Variants in CHCHD3 observed in about 807,000 individuals in gnomAD.
The protein encoded by CHCHD3 is MICOS complex subunit MIC19.
In CHCHD3, 20 loss-of-function variants were observed where a neutral mutation model predicts 38.2. The observed-to-expected ratio is 0.52, with a 90% CI of 0.37 to 0.76. CHCHD3 has a LOEUF of 0.76. Among genes scored for constraint, CHCHD3 ranks in the 30% least tolerant of loss-of-function variants. The pLI, the probability that CHCHD3 is intolerant of heterozygous loss-of-function variation, is 0.00. For missense variants in CHCHD3, 245 were observed against 279.2 expected, an observed-to-expected ratio of 0.88 and a Z score of 0.87; for synonymous variants, 82 against 100.0, an observed-to-expected ratio of 0.82 and a Z score of 1.07.
chr7:132,948,389 A>C (rs957057665), intron 4 of CHCHD3, among the ~76,000 whole-genome samples: 1 of 152,126 alleles, frequency 6.6e-6, no homozygotes, highest in Non-Finnish European at 1.5e-5. Context: ...AAATGGTGGA[A>C]GAGTGAGGGA....
chr7:133,034,287 CAG>C (rs1400370535), intron 2 of CHCHD3, among the ~76,000 whole-genome samples: 1 of 152,080 alleles, frequency 6.6e-6, no homozygotes, highest in African/African-American at 2.4e-5. Flanking sequence ...TAATAATTCA[CAG>C]AGATTCCTTT....
At chr7:132,989,465 TA>T (rs1423300488) in intron 3 of CHCHD3, among the ~76,000 whole-genome samples, 1 of 151,994 alleles carries the variant, frequency 6.6e-6, no homozygotes, top group Non-Finnish European at 1.5e-5. Context: ...CCTACAGCCA[TA>T]ATCCTAACTA....
chr7:132,910,561 G>A (rs1809920695), intron 4 of CHCHD3, among the ~76,000 whole-genome samples: 1 of 152,008 alleles, frequency 6.6e-6, no homozygotes, highest in South Asian at 2.1e-4. Flanking sequence ...GTTTAATATT[G>A]AACACTTCTA....
chr7:132,838,487 T>C lies in CHCHD3; in HGVS notation c.454-18A>G, dbSNP rs574571315. On this transcript the variant is annotated intron_variant, in intron 5 of 7. Transcript: ENST00000262570. ...TCTGAGCTCTGTGGACAAAGATTGA[T>C]AGCAAAGGTTTCACTATCCAAGATG... 1.5e-5 allele frequency: 23 copies of C among 1,574,318 alleles called. 2 individuals are homozygous for C. In the South Asian group the frequency reaches 2.0e-4, roughly 14 times the overall value.
chr7:132,825,201 G>C (rs1171840157), intron 6 of CHCHD3, among the ~76,000 whole-genome samples: 2 of 152,168 alleles, frequency 1.3e-5, no homozygotes, highest in African/African-American at 4.8e-5. Flanking sequence ...TAATACTGAG[G>C]ATGGTAAGTT....
intron 2 of CHCHD3, among the ~76,000 whole-genome samples, chr7:133,054,074 G>A (rs770647841): frequency 9.2e-5 from 14 of 152,142 alleles, no homozygotes; most frequent in Non-Finnish European, 1.8e-4. Context: ...ACCTGTTAAT[G>A]AGAAGTACAA....
At chr7:132,903,624 C>T (rs1809723634) in intron 4 of CHCHD3, among the ~76,000 whole-genome samples, 1 of 152,144 alleles carries the variant, frequency 6.6e-6, no homozygotes, top group African/African-American at 2.4e-5. Context: ...TCATAATTCT[C>T]GTTTGGTCTT....
At position 133,026,918 on chromosome 7, in the gene CHCHD3, C is replaced by A. The variant is rs369801116; in HGVS notation, c.170-2291G>T. On this transcript the variant is annotated intron_variant, in intron 2 of 7. Coordinates refer to ENST00000262570, the MANE Select transcript of CHCHD3 (RefSeq NM_017812.4). ...TAATGGGTATGGAATTATGGAATTT[C>A]TTTTTAAGATATTGAAAATATTCTT... 9.4e-4 allele frequency among the ~76,000 whole-genome samples: 142 copies of A among 151,426 alleles called. No homozygotes were observed. In the South Asian group the frequency reaches 0.012, roughly 13 times the overall value.
chr7:133,035,746 G>C lies in CHCHD3; in HGVS notation c.170-11119C>G. On this transcript the variant is annotated intron_variant, in intron 2 of 7. Coordinates refer to ENST00000262570, the MANE Select transcript of CHCHD3 (RefSeq NM_017812.4). The surrounding 1 kb of genome is among the most constrained non-coding windows in gnomAD (Gnocchi z 4.7). ...AATCCATCATCACCCTCAAATGCTG[G>C]GACCTTGCCGGCAGGAAATTTGCGA... is the stretch of plus-strand genomic sequence containing the variant. 6.2e-7 allele frequency: 1 copy of C among 1,613,376 alleles called. No homozygotes were observed. Among genetic ancestry groups the C allele is most frequent in the Non-Finnish European group, 8.5e-7 (1 of 1,179,412 alleles).
At chr7:133,020,401 A>G (rs1562939792) in intron 3 of CHCHD3, among the ~76,000 whole-genome samples, 1 of 152,266 alleles carries the variant, frequency 6.6e-6, no homozygotes, top group East Asian at 1.9e-4. Flanking sequence ...ACCTAATGAA[A>G]TATCATCAGT....
intron 2 of CHCHD3, among the ~76,000 whole-genome samples, chr7:133,057,477 C>G (rs1814376252): frequency 6.6e-6 from 1 of 152,086 alleles, no homozygotes; most frequent in African/African-American, 2.4e-5. Flanking sequence ...AGGAGAATCT[C>G]CTTGAGCCCA....
chr7:132,953,076 T>A (rs1811069638), intron 4 of CHCHD3, among the ~76,000 whole-genome samples: 1 of 146,356 alleles, frequency 6.8e-6, no homozygotes, highest in Non-Finnish European at 1.5e-5. Context: ...CATTTATATG[T>A]AAAAGTCCAT....
At chr7:132,892,548 C>T (rs143730956) in intron 4 of CHCHD3, among the ~76,000 whole-genome samples, 1 of 152,166 alleles carries the variant, frequency 6.6e-6, no homozygotes, top group Non-Finnish European at 1.5e-5. Flanking sequence ...TAACAAGGAG[C>T]TGAATGTTAA....
intron 4 of CHCHD3, among the ~76,000 whole-genome samples, chr7:132,906,148 C>T (rs964461662): frequency 3.3e-5 from 5 of 152,110 alleles, no homozygotes; most frequent in Non-Finnish European, 5.9e-5. Context: ...TCACATTGTA[C>T]ATGATAAATA....
chr7:133,007,250 A>T (rs764913612), intron 3 of CHCHD3, among the ~76,000 whole-genome samples: 2 of 152,174 alleles, frequency 1.3e-5, no homozygotes, highest in Non-Finnish European at 2.9e-5. Context: ...TGACAATGGC[A>T]CAAGGTAAGA....
chr7:133,055,402 AGTT>A (rs984612807), intron 2 of CHCHD3, among the ~76,000 whole-genome samples: 5 of 144,986 alleles, frequency 3.4e-5, no homozygotes, highest in African/African-American at 1.2e-4. Context: ...TAATTATAAT[AGTT>A]ATGTTATATA....
chr7:133,056,729 TAAAG>T (rs1814348741), intron 2 of CHCHD3, among the ~76,000 whole-genome samples: 1 of 152,124 alleles, frequency 6.6e-6, no homozygotes, highest in Non-Finnish European at 1.5e-5. Flanking sequence ...GCTTCTGTGT[TAAAG>T]AAGAAAAAAA....
intron 5 of CHCHD3, among the ~76,000 whole-genome samples, chr7:132,842,320 T>G (rs1250485308): frequency 2.0e-5 from 3 of 152,138 alleles, no homozygotes; most frequent in Non-Finnish European, 4.4e-5. Context: ...GCAAACATAC[T>G]CTCTTCATTT....
intron 6 of CHCHD3, among the ~76,000 whole-genome samples, chr7:132,824,967 T>C (rs1446847184): frequency 6.6e-6 from 1 of 152,200 alleles, no homozygotes; most frequent in Non-Finnish European, 1.5e-5. Flanking sequence ...CTTTTTATAT[T>C]CCCAACTTAT....
Sources: gnomAD v4.1 joint callset for allele counts (sites outside exome capture counted in the v4.1 genomes callset) on GRCh38, gnomAD v4.1.1 for gene constraint, Gnocchi (gnomAD v3.1) non-coding constraint, MANE v1.5 for transcripts, NCBI Gene and HGNC (gene_info 2026-07-23, HGNC 2026-07-21) for gene names.